Variants in TSPEAR observed in about 807,000 individuals in gnomAD.
The protein encoded by TSPEAR is thrombospondin-type laminin G domain and EAR repeat-containing protein.
In TSPEAR, 69 loss-of-function variants were observed where a neutral mutation model predicts 71.6. The observed-to-expected ratio is 0.96, with a 90% CI of 0.79 to 1.18. The LOEUF (loss-of-function observed/expected upper bound fraction) is 1.18, where lower values mean the gene tolerates loss of function less well. TSPEAR is among the 50% of genes most tolerant of loss of function. TSPEAR has a pLI of 0.00. For missense variants in TSPEAR, 971 were observed against 894.9 expected (o/e 1.09, Z -1.09); for synonymous variants, 402 against 387.2 (o/e 1.04, Z -0.45).
At chr21:44,571,341 C>T (rs972495575) in intron 1 of TSPEAR, among the ~76,000 whole-genome samples, 4 of 152,246 alleles carry the variant, frequency 2.6e-5, no homozygotes, top group African/African-American at 9.6e-5. Context: ...TGAGCCACCA[C>T]ATCCAGCCTA....
intron 1 of TSPEAR, among the ~76,000 whole-genome samples, chr21:44,685,641 C>T (rs552562304): frequency 6.6e-6 from 1 of 152,322 alleles, no homozygotes; most frequent in Admixed American, 6.5e-5. Context: ...GAGCCATGCT[C>T]TGCAGACGCC....
In TSPEAR at chr21:44,521,949, G is replaced by A. The variant is rs782070183; in HGVS notation, c.1500C>T (p.Ser500=). ...TGTAGAGGTGCGAGTGCACCTTGGT[G>A]GAGGTGCCGTTGAAGGTGTTGGCCA... ...LVVANTFNGT[S]TKVHSHLYIR... The change falls in exon 9 of 12, where the codon TCC becomes TCT. Residue 500 remains serine (S), a synonymous_variant. Transcript: ENST00000323084. The A allele has an allele frequency of 1.5e-5, 24 of 1,614,052 alleles. No homozygotes were observed. In the Admixed American group the frequency reaches 1.5e-4, roughly 10 times the overall value.
intron 2 of TSPEAR, among the ~76,000 whole-genome samples, chr21:44,549,396 ACAGT>A (rs2053360561): frequency 6.6e-6 from 1 of 152,232 alleles, no homozygotes; most frequent in Non-Finnish European, 1.5e-5. Context: ...AACTGGAGAG[ACAGT>A]CAGGGCCATC....
At chr21:44,585,055 C>T (rs1301638603) in intron 1 of TSPEAR, among the ~76,000 whole-genome samples, 1 of 151,944 alleles carries the variant, frequency 6.6e-6, no homozygotes, top group African/African-American at 2.4e-5. Flanking sequence ...TTAGATTTTC[C>T]TTGATGAGCA....
chr21:44,666,739 A>G (rs1316905070), intron 1 of TSPEAR: 5 of 1,614,022 alleles, frequency 3.1e-6, no homozygotes, highest in Non-Finnish European at 4.2e-6. Context: ...GCTGGCTTGA[A>G]GCTCACGGGC....
intron 1 of TSPEAR, among the ~76,000 whole-genome samples, chr21:44,680,174 TCAAA>T (rs1986510647): frequency 6.6e-6 from 1 of 152,082 alleles, no homozygotes. Context: ...TGTAAGGAAC[TCAAA>T]CAACTCAACA....
chr21:44,645,981 T>G (rs1425979440), intron 1 of TSPEAR, among the ~76,000 whole-genome samples: 6 of 150,452 alleles, frequency 4.0e-5, no homozygotes, highest in Non-Finnish European at 7.4e-5. Context: ...CTACTAAAAA[T>G]ACAAAAATTA....
intron 1 of TSPEAR, chr21:44,646,325 G>A: frequency 7.8e-7 from 1 of 1,281,302 alleles, no homozygotes. Context: ...AGCTTGTGGA[G>A]CCTCCTGTTG....
At chr21:44,517,011 G>A (rs1353579826) in intron 9 of TSPEAR, among the ~76,000 whole-genome samples, 1 of 152,180 alleles carries the variant, frequency 6.6e-6, no homozygotes, top group Non-Finnish European at 1.5e-5. Context: ...CTGCTGCACA[G>A]GAAGGCCGTC....
rs587602284 is a variant in TSPEAR at position 44,558,450 on chromosome 21, C to T, written c.303+9335G>A. On this transcript the variant is annotated intron_variant, in intron 2 of 11. Transcript: ENST00000323084. ...CTGCTGGCAGGGGGAGGATGTGCAGCAAGCTGGCTGGCAGCTAGACTGCTG... is the reference window on the plus strand; with the variant it reads ...CTGCTGGCAGGGGGAGGATGTGCAGTAAGCTGGCTGGCAGCTAGACTGCTG... 3 of 1,614,070 alleles carry T rather than the reference C, an allele frequency of 1.9e-6. No individual in the cohort carries two copies. Among genetic ancestry groups the T allele is most frequent in the East Asian group, 2.2e-5 (1 of 44,872 alleles).
At position 44,600,497 on chromosome 21, in the gene TSPEAR, C is replaced by A. The variant is rs1980720089; in HGVS notation, c.83-32492G>T. On this transcript the variant is annotated intron_variant, in intron 1 of 11. Transcript: ENST00000323084. ...GAAGGGGCAGGAGTTGTTGACACTC[C>A]AGCTGGGACAACAGACCAGGGAGAC... 1.6e-5 allele frequency: 19 copies of A among 1,178,410 alleles called. No homozygotes were observed. The South Asian group carries it at 3.0e-4, about 18-fold the overall frequency. The allele number at this position is 1,178,410 out of a possible 1,614,324, so 73.0% of individuals were successfully genotyped here. A position where few individuals can be genotyped will look rare whatever the true frequency, so the allele number is the denominator to read the frequency against.
chr21:44,528,553 TG>T lies in TSPEAR; in HGVS notation c.820del (p.Gln274SerfsTer33). 1 of 1,614,108 alleles carries T rather than the reference TG, an allele frequency of 6.2e-7. No individual in the cohort carries two copies. Among genetic ancestry groups the T allele is most frequent in the South Asian group, 1.1e-5 (1 of 91,076 alleles). On this transcript the variant is annotated frameshift_variant, in exon 6 of 12. Transcript: ENST00000323084. LOFTEE classifies it high-confidence loss of function. ...ETNIRVTLGP[Q>X]PPCTEVEDAQ... ...GTCTTCCACCTCGGTACACGGTGGC[TG>T]GGGTCCCAGCGTCACTCGAATGTTG... is the stretch of plus-strand genomic sequence containing the variant.
At chr21:44,524,154 G>T (rs1473926056) in intron 8 of TSPEAR, among the ~76,000 whole-genome samples, 2 of 151,494 alleles carry the variant, frequency 1.3e-5, no homozygotes, top group Admixed American at 1.3e-4. Flanking sequence ...CAGTCAGCTA[G>T]TCAAGTAGTT....
At chr21:44,586,943 G>C (rs1417576861) in intron 1 of TSPEAR, among the ~76,000 whole-genome samples, 3 of 152,142 alleles carry the variant, frequency 2.0e-5, no homozygotes, top group African/African-American at 7.2e-5. Flanking sequence ...CACTGAATGG[G>C]GAGAAGTTGA....
rs587651598 is a variant in TSPEAR, at chr21:44,602,234, G to A, written c.83-34229C>T. ...GACCCCTGCCTGATGCCCCCCACCC[G>A]CGGGTGGTCCTGGGCTGCTCCCACG... On this transcript the variant is annotated intron_variant, in intron 1 of 11. Transcript: ENST00000323084. 6 of 184,354 alleles carry A rather than the reference G, an allele frequency of 3.3e-5. No homozygotes were observed. The East Asian group carries it at 4.0e-4, about 12-fold the overall frequency. The allele number at this position is 184,354 out of a possible 1,614,324, so 11.4% of individuals were successfully genotyped here. A position where few individuals can be genotyped will look rare whatever the true frequency, so the allele number is the denominator to read the frequency against.
In TSPEAR at chr21:44,654,717, C is replaced by G. The variant is rs587709562; in HGVS notation, c.82+56716G>C. On this transcript the variant is annotated intron_variant, in intron 1 of 11. Transcript: ENST00000323084. ...AGGCTACCGGCATCCTGGCAACAAGCCCCCTGGCATCTTCCTCGTGGGTGG... is the reference window on the plus strand; with the variant it reads ...AGGCTACCGGCATCCTGGCAACAAGGCCCCTGGCATCTTCCTCGTGGGTGG... The G allele has an allele frequency of 1.5e-5, 11 of 750,820 alleles. No homozygotes were observed. The South Asian group carries it at 1.9e-4, about 13-fold the overall frequency. 46.5% of individuals were successfully genotyped at this position (750,820 alleles called of 1,614,324 possible).
intron 9 of TSPEAR, among the ~76,000 whole-genome samples, chr21:44,511,303 A>G (rs587673437): frequency 6.4e-4 from 98 of 151,966 alleles, no homozygotes; most frequent in South Asian, 2.3e-3. Flanking sequence ...CACTGTGCGC[A>G]CACACACATG....
intron 9 of TSPEAR, chr21:44,517,662 A>G: frequency 2.3e-6 from 1 of 431,204 alleles, no homozygotes; most frequent in South Asian, 1.7e-5. Flanking sequence ...CTAACCCAAT[A>G]TGGCAGGAAG....
At chr21:44,645,625 T>A (rs1984281703) in intron 1 of TSPEAR, among the ~76,000 whole-genome samples, 1 of 152,076 alleles carries the variant, frequency 6.6e-6, no homozygotes, top group African/African-American at 2.4e-5. Flanking sequence ...GTACTGGGAT[T>A]AGAGGCATGA....
Sources: allele counts gnomAD v4.1 joint callset (sites outside exome capture counted in the v4.1 genomes callset), GRCh38; gene constraint gnomAD v4.1.1; transcripts MANE v1.5; gene names NCBI Gene and HGNC (gene_info 2026-07-23, HGNC 2026-07-21).